Variants in PLCB1 observed in about 807,000 individuals in gnomAD.
PLCB1 encodes the protein 1-phosphatidylinositol 4,5-bisphosphate phosphodiesterase beta-1.
In PLCB1, 46 loss-of-function variants were observed where a neutral mutation model predicts 161.8. That is an observed-to-expected ratio of 0.28 (90% CI 0.22 to 0.36). The LOEUF (loss-of-function observed/expected upper bound fraction) is 0.36. Ranked by LOEUF, PLCB1 falls within the 10% of genes least tolerant of loss-of-function variation. The pLI, the probability that PLCB1 is intolerant of heterozygous loss-of-function variation, is 1.00. For missense variants in PLCB1, 1,016 were observed against 1,472.5 expected (o/e 0.69, Z 5.07); for synonymous variants, 517 against 503.7 (o/e 1.03, Z -0.35).
chr20:8,809,276 C>T (rs897930129), intron 31 of PLCB1, among the ~76,000 whole-genome samples: 1 of 152,002 alleles, frequency 6.6e-6, no homozygotes, highest in Non-Finnish European at 1.5e-5. Flanking sequence ...CCAAAGTGCT[C>T]GGATTACAGG....
intron 3 of PLCB1, among the ~76,000 whole-genome samples, chr20:8,480,506 G>A (rs1982457093): frequency 6.6e-6 from 1 of 152,044 alleles, no homozygotes; most frequent in Non-Finnish European, 1.5e-5. Context: ...GCAATTTTTA[G>A]CTAGTTTGCC....
At chr20:8,729,894 C>T (rs1013417232) in intron 18 of PLCB1, 1 of 151,822 alleles carries the variant, frequency 6.6e-6, no homozygotes, top group African/African-American at 2.4e-5. Flanking sequence ...CTCTCATTTG[C>T]GATCTTGGTT....
chr20:8,807,149 C>T lies in PLCB1; in HGVS notation c.3423+16888C>T, dbSNP rs142716671. On this transcript the variant is annotated intron_variant, in intron 31 of 31. Transcript: ENST00000338037. ...ATCTCTTTTGAGTCCGTGAAGGATG[C>T]GATTAATTAAAGTCGGAAGTTTGTC... Among the ~76,000 whole-genome samples the T allele has an allele frequency of 3.9e-3, 587 of 152,114 alleles. 1 individual carries two copies. Among genetic ancestry groups the T allele is most frequent in the Middle Eastern group, 6.8e-3 (2 of 294 alleles).
chr20:8,503,086 C>A (rs770086512), intron 3 of PLCB1, among the ~76,000 whole-genome samples: 1 of 152,120 alleles, frequency 6.6e-6, no homozygotes, highest in Non-Finnish European at 1.5e-5. Context: ...AGAATGAGAA[C>A]CCCTCTTAGA....
intron 3 of PLCB1, among the ~76,000 whole-genome samples, chr20:8,479,409 G>T (rs1258371154): frequency 1.3e-5 from 2 of 152,188 alleles, no homozygotes; most frequent in Non-Finnish European, 2.9e-5. Context: ...CATGAAATAA[G>T]TTTCATTCTA....
intron 3 of PLCB1, among the ~76,000 whole-genome samples, chr20:8,578,189 T>C (rs1986733532): frequency 6.6e-6 from 1 of 152,236 alleles, no homozygotes; most frequent in Non-Finnish European, 1.5e-5. Context: ...ACCAACCCAG[T>C]ATTTGGCACA....
intron 2 of PLCB1, among the ~76,000 whole-genome samples, chr20:8,251,102 T>C (rs186337392): frequency 1.3e-5 from 2 of 151,936 alleles, no homozygotes; most frequent in East Asian, 3.9e-4. Context: ...CATAGATGAG[T>C]GCTTTTAAAC....
At chr20:8,418,818 A>G (rs1035796441) in intron 3 of PLCB1, among the ~76,000 whole-genome samples, 3 of 152,182 alleles carry the variant, frequency 2.0e-5, no homozygotes, top group African/African-American at 7.2e-5. Flanking sequence ...CTCTAACCCA[A>G]CTATCCTAGA....
At chr20:8,712,594 G>T (rs1979079826) in intron 12 of PLCB1, among the ~76,000 whole-genome samples, 2 of 152,156 alleles carry the variant, frequency 1.3e-5, no homozygotes, top group African/African-American at 2.4e-5. Flanking sequence ...TTTATAAAAA[G>T]AATTCTACAC....
At chr20:8,435,648 A>C (rs1194462571) in intron 3 of PLCB1, among the ~76,000 whole-genome samples, 1 of 152,134 alleles carries the variant, frequency 6.6e-6, no homozygotes, top group East Asian at 1.9e-4. Context: ...CAAGAAATTG[A>C]ATTCTACCGT....
Position 8,132,488 on chromosome 20 carries a change from C to A in PLCB1, c.-164C>A, listed in dbSNP as rs1375883886. 1 of 370,122 alleles carries A rather than the reference C, an allele frequency of 2.7e-6. No individual in the cohort carries two copies. The highest frequency in any genetic ancestry group is 2.1e-5 in the African/African-American group (1 of 46,666). The allele number at this position is 370,122 out of a possible 1,614,324, so 22.9% of individuals were successfully genotyped here. A position where few individuals can be genotyped will look rare whatever the true frequency, so the allele number is the denominator to read the frequency against. ...GCGCGCTCTGCCTGCTGAGCGGCGC[C>A]GGAGGGAGGTGCGGAGGCCGGGAGG... is the stretch of plus-strand genomic sequence containing the variant. On this transcript the variant is annotated 5_prime_UTR_variant, in exon 1 of 32. Coordinates refer to ENST00000338037, the MANE Select transcript of PLCB1 (RefSeq NM_015192.4). This position sits in a 1 kb window ranked among gnomAD's most constrained non-coding sequence, Gnocchi z 5.2.
chr20:8,701,285 A>G (rs1182721409), intron 11 of PLCB1, among the ~76,000 whole-genome samples: 1 of 152,174 alleles, frequency 6.6e-6, no homozygotes, highest in African/African-American at 2.4e-5. Context: ...GGGCTCCAAC[A>G]GTACTGACCT....
chr20:8,602,581 T>C (rs1391312325), intron 3 of PLCB1, among the ~76,000 whole-genome samples: 1 of 152,174 alleles, frequency 6.6e-6, no homozygotes, highest in African/African-American at 2.4e-5. Context: ...GGTCAAAGAA[T>C]ATTAACAGAA....
At chr20:8,721,201 G>T (rs1004553783) in intron 14 of PLCB1, among the ~76,000 whole-genome samples, 7 of 152,194 alleles carry the variant, frequency 4.6e-5, no homozygotes, top group African/African-American at 1.7e-4. Flanking sequence ...CAGTGCAGTG[G>T]TACTGTCTCC....
At chr20:8,659,728 A>T (rs908335560) in intron 9 of PLCB1, among the ~76,000 whole-genome samples, 3 of 152,170 alleles carry the variant, frequency 2.0e-5, no homozygotes, top group Non-Finnish European at 2.9e-5. Context: ...ACTGTGGCTC[A>T]CGTCTGTAAT....
At chr20:8,153,982 G>A (rs1306214831) in intron 2 of PLCB1, among the ~76,000 whole-genome samples, 1 of 152,024 alleles carries the variant, frequency 6.6e-6, no homozygotes, top group Non-Finnish European at 1.5e-5. Context: ...TCTTTAAACT[G>A]CACTCTCCCA....
chr20:8,795,513 G>A (rs10485726), intron 31 of PLCB1, among the ~76,000 whole-genome samples: 10,957 of 152,148 alleles, frequency 0.072, 1,128 homozygotes, highest in African/African-American at 0.23. Context: ...TGAGATATTC[G>A]ATTCAGTCCT....
At chr20:8,776,957 C>G (rs1377511238) in intron 27 of PLCB1, among the ~76,000 whole-genome samples, 1 of 152,084 alleles carries the variant, frequency 6.6e-6, no homozygotes, top group Middle Eastern at 3.2e-3. Flanking sequence ...AAGGTTTACG[C>G]AGAAGGCAAC....
intron 31 of PLCB1, among the ~76,000 whole-genome samples, chr20:8,801,900 G>T (rs931239007): frequency 6.6e-5 from 10 of 152,156 alleles, no homozygotes; most frequent in Non-Finnish European, 1.2e-4. Context: ...TGTCACACTG[G>T]GGGTGTTGGA....
Sources: allele counts gnomAD v4.1 joint callset (sites outside exome capture counted in the v4.1 genomes callset), GRCh38; gene constraint gnomAD v4.1.1; non-coding constraint Gnocchi (gnomAD v3.1); transcripts MANE v1.5; gene names NCBI Gene and HGNC (gene_info 2026-07-23, HGNC 2026-07-21).